The following TIMP2 variants were observed in gnomAD, a reference collection of about 807,000 sequenced individuals.
The protein encoded by TIMP2 is metalloproteinase inhibitor 2.
Under a neutral mutation model 24.3 loss-of-function variants are expected in TIMP2, and 5 were observed. The observed-to-expected ratio is 0.21, with a 90% CI of 0.11 to 0.43. The LOEUF is 0.43. Among genes scored for constraint, TIMP2 ranks in the 20% least tolerant of loss-of-function variants. The pLI is 1.00. For synonymous variants in TIMP2, 130 were observed against 123.2 expected (o/e 1.06, Z -0.37); for missense variants, 221 against 297.5 (o/e 0.74, Z 1.89).
At chr17:78,858,128 A>G (rs988446418) in intron 3 of TIMP2, among the ~76,000 whole-genome samples, 5 of 151,734 alleles carry the variant, frequency 3.3e-5, no homozygotes, top group Middle Eastern at 3.5e-3. Flanking sequence ...ACTGACAGAA[A>G]CTTAAACATT....
chr17:78,923,251 C>G (rs1240974526), intron 1 of TIMP2, among the ~76,000 whole-genome samples: 1 of 151,832 alleles, frequency 6.6e-6, no homozygotes, highest in East Asian at 1.9e-4. Flanking sequence ...CGCACTGCAG[C>G]CCTCCACCCT....
At chr17:78,912,240 T>A (rs1418018869) in intron 1 of TIMP2, among the ~76,000 whole-genome samples, 2 of 152,198 alleles carry the variant, frequency 1.3e-5, no homozygotes. Context: ...TTCTCTGAAA[T>A]GTCCATTTCC....
intron 1 of TIMP2, among the ~76,000 whole-genome samples, chr17:78,893,458 GGGGTGTGTGTGCATAGC>G (rs2069948550): frequency 7.0e-6 from 1 of 142,964 alleles, no homozygotes; most frequent in African/African-American, 2.6e-5. Flanking sequence ...TGTGTGTGCA[GGGGTGTGTGTGCATAGC>G]GGTGTGTGTG....
At chr17:78,884,307 G>A (rs1007170460) in intron 1 of TIMP2, among the ~76,000 whole-genome samples, 2 of 152,228 alleles carry the variant, frequency 1.3e-5, no homozygotes, top group Admixed American at 6.5e-5. Flanking sequence ...GAGGTGGGCA[G>A]GGCACTGTTC....
At chr17:78,892,048 C>T (rs777572406) in intron 1 of TIMP2, 91 of 1,550,890 alleles carry the variant, frequency 5.9e-5, no homozygotes, top group South Asian at 1.2e-4. Flanking sequence ...TGGGCCCCTG[C>T]GAGTCAGGCT....
chr17:78,892,607 C>G, intron 1 of TIMP2: 1 of 1,260,746 alleles, frequency 7.9e-7, no homozygotes, highest in Non-Finnish European at 1.1e-6. Context: ...CCCACCAGGG[C>G]CCACTCTCAG....
At chr17:78,901,892 C>T (rs4789936) in intron 1 of TIMP2, 314,716 of 644,730 alleles carry the variant, frequency 0.49, 78,705 homozygotes, top group Middle Eastern at 0.61. Context: ...CTTGAAATCA[C>T]TGGGCTGACT....
At chr17:78,880,475 C>G (rs2069769601) in intron 1 of TIMP2, among the ~76,000 whole-genome samples, 1 of 152,044 alleles carries the variant, frequency 6.6e-6, no homozygotes, top group Non-Finnish European at 1.5e-5. Flanking sequence ...TTGCTTGAAG[C>G]TAGGAGTTCA....
At chr17:78,876,780 G>A (rs1567995374) in intron 1 of TIMP2, among the ~76,000 whole-genome samples, 1 of 151,906 alleles carries the variant, frequency 6.6e-6, no homozygotes. Context: ...GCCCACTTTG[G>A]CCTCCCAAAG....
rs2070333307 is a variant in TIMP2 at position 78,924,446 on chromosome 17, C to T, written c.130+513G>A. 6.6e-6 allele frequency among the ~76,000 whole-genome samples: 1 copy of T among 152,226 alleles called. No individual in the cohort carries two copies. The highest frequency in any genetic ancestry group is 1.5e-5 in the Non-Finnish European group (1 of 68,042). On this transcript the variant is annotated intron_variant, in intron 1 of 4. Transcript: ENST00000262768. This position sits in a 1 kb window ranked among gnomAD's most constrained non-coding sequence, Gnocchi z 5.3. ...ACCTGCCTCGGGTAGGGCGGGCTTC[C>T]ATCCCACCCTGGCTTGATCGGGGAG...
intron 1 of TIMP2, chr17:78,890,779 C>A (rs965602953): frequency 6.4e-7 from 1 of 1,550,468 alleles, no homozygotes; most frequent in Non-Finnish European, 8.7e-7. Context: ...GGCTGGTGCC[C>A]GATGGGGAAG....
At chr17:78,861,718 T>G (rs1004833241) in intron 3 of TIMP2, among the ~76,000 whole-genome samples, 5 of 151,942 alleles carry the variant, frequency 3.3e-5, no homozygotes, top group African/African-American at 1.2e-4. Flanking sequence ...TCTCCTGCCT[T>G]AGCCTCCCAA....
intron 1 of TIMP2, among the ~76,000 whole-genome samples, chr17:78,895,945 G>A (rs886946823): frequency 3.9e-5 from 6 of 152,226 alleles, no homozygotes; most frequent in East Asian, 1.9e-4. Context: ...CCCCCAGCCC[G>A]TTCAATGACC....
chr17:78,888,522 C>G (rs903164458), intron 1 of TIMP2, among the ~76,000 whole-genome samples: 2 of 152,160 alleles, frequency 1.3e-5, no homozygotes, highest in African/African-American at 4.8e-5. Context: ...GTGATCACAG[C>G]TCCCTGTGCG....
intron 1 of TIMP2, among the ~76,000 whole-genome samples, chr17:78,877,775 C>T (rs1475786800): frequency 6.6e-6 from 1 of 150,890 alleles, no homozygotes; most frequent in Non-Finnish European, 1.5e-5. Context: ...GCAATCTTGG[C>T]CCACTGCAAC....
intron 1 of TIMP2, among the ~76,000 whole-genome samples, chr17:78,884,127 G>A (rs957670849): frequency 3.3e-5 from 5 of 152,202 alleles, no homozygotes; most frequent in Admixed American, 2.0e-4. Flanking sequence ...GAGCAGGACC[G>A]TGCAGGGCAG....
At chr17:78,863,194 G>A (rs1032766661) in intron 3 of TIMP2, among the ~76,000 whole-genome samples, 3 of 152,240 alleles carry the variant, frequency 2.0e-5, no homozygotes, top group Non-Finnish European at 4.4e-5. Flanking sequence ...GTTCCTAAGC[G>A]TTCCCTTTAC....
At chr17:78,859,440 A>C (rs1313418551) in intron 3 of TIMP2, among the ~76,000 whole-genome samples, 1 of 152,160 alleles carries the variant, frequency 6.6e-6, no homozygotes, top group Non-Finnish European at 1.5e-5. Flanking sequence ...TGGGCGGATC[A>C]CTTGAGGTCA....
chr17:78,867,384 C>G (rs1381836602), intron 3 of TIMP2, among the ~76,000 whole-genome samples: 1 of 152,092 alleles, frequency 6.6e-6, no homozygotes, highest in African/African-American at 2.4e-5. Flanking sequence ...AGATACCCAG[C>G]AAAGCAGGAG....
Sources: allele counts gnomAD v4.1 joint callset (sites outside exome capture counted in the v4.1 genomes callset), GRCh38; gene constraint gnomAD v4.1.1; non-coding constraint Gnocchi (gnomAD v3.1); transcripts MANE v1.5; gene names NCBI Gene and HGNC (gene_info 2026-07-23, HGNC 2026-07-21).